TMEM38B: variants seen among roughly 807,000 people sequenced by gnomAD.
The protein encoded by TMEM38B is trimeric intracellular cation channel type B.
A neutral mutation model predicts 28.7 loss-of-function variants in TMEM38B; 24 were observed. That is an observed-to-expected ratio of 0.84 (90% CI 0.61 to 1.18). The LOEUF (loss-of-function observed/expected upper bound fraction) is 1.18. TMEM38B is among the 50% of genes most tolerant of loss of function. The probability of loss-of-function intolerance (pLI) is 0.00; values close to 1 mark genes in which losing one functional copy is unlikely to be tolerated. For synonymous variants in TMEM38B, 131 were observed against 127.7 expected, an observed-to-expected ratio of 1.03 and a Z score of -0.17; for missense variants, 380 against 350.9, an observed-to-expected ratio of 1.08 and a Z score of -0.66.
At chr9:105,710,559 T>C (rs1315241584) in intron 2 of TMEM38B, 2 of 970,556 alleles carry the variant, frequency 2.1e-6, no homozygotes, top group African/African-American at 3.2e-5. Context: ...CAAATCCACT[T>C]TCTGTCCAAA....
chr9:105,721,086 T>C (rs1836300278), intron 2 of TMEM38B, among the ~76,000 whole-genome samples: 1 of 152,274 alleles, frequency 6.6e-6, no homozygotes, highest in East Asian at 1.9e-4. Flanking sequence ...CAGGTGAATA[T>C]GTTATTTGAG....
At chr9:105,745,689 T>C (rs1837362898) in intron 4 of TMEM38B, among the ~76,000 whole-genome samples, 1 of 152,222 alleles carries the variant, frequency 6.6e-6, no homozygotes, top group East Asian at 1.9e-4. Flanking sequence ...TGGTATTGCC[T>C]AGATTTTCTT....
chr9:105,776,562 A>T lies in TMEM38B; in HGVS notation c.*2482A>T, dbSNP rs1027051459. 6.6e-6 allele frequency: 1 copy of T among 152,260 alleles called. No homozygotes were observed. The highest frequency in any genetic ancestry group is 6.5e-5 in the Admixed American group (1 of 15,278). The allele number at this position is 152,260 out of a possible 1,614,324, so 9.4% of individuals were successfully genotyped here. On this transcript the variant is annotated 3_prime_UTR_variant, in exon 6 of 6. Coordinates refer to ENST00000374692, the MANE Select transcript of TMEM38B (RefSeq NM_018112.3). Reference sequence around the variant, plus strand: ...AACATCCCATGTTGTAAATGGAATAATGTGTTCAGAATGCTCTTTCTTTCC... The same window carrying T: ...AACATCCCATGTTGTAAATGGAATATTGTGTTCAGAATGCTCTTTCTTTCC...
At position 105,705,767 on chromosome 9, in the gene TMEM38B, A is replaced by C; in HGVS notation, c.269+14A>C. 1.2e-6 allele frequency: 2 copies of C among 1,606,804 alleles called. No homozygotes were observed. Among genetic ancestry groups the C allele is most frequent in the Non-Finnish European group, 1.7e-6 (2 of 1,177,442 alleles). On this transcript the variant is annotated intron_variant, in intron 2 of 5. Coordinates refer to ENST00000374692, the MANE Select transcript of TMEM38B (RefSeq NM_018112.3). ...ATCTTCAATCTGGTAAGCTGCCAGT[A>C]TGGTGACCTATGTGACATTTAAACA...
intron 1 of TMEM38B, among the ~76,000 whole-genome samples, chr9:105,703,800 G>A (rs1033218204): frequency 1.4e-4 from 22 of 152,244 alleles, no homozygotes; most frequent in Non-Finnish European, 2.2e-4. Context: ...GATGGCCAGC[G>A]ATGATGAGCA....
chr9:105,771,724 G>A (rs911693839), intron 5 of TMEM38B, among the ~76,000 whole-genome samples: 5 of 152,094 alleles, frequency 3.3e-5, no homozygotes, highest in South Asian at 2.1e-4. Context: ...GGAGGTTAAT[G>A]TTATATTTGG....
rs569382849 is a variant in TMEM38B at position 105,776,075 on chromosome 9, T to A, written c.*1995T>A. On this transcript the variant is annotated 3_prime_UTR_variant, in exon 6 of 6. Transcript: ENST00000374692. ...TCACCTGTAGAGTCTTGACTTGGAT[T>A]TGCAAAGCAGATTGTTAGACTCCTT... 1 of 152,292 alleles carries A rather than the reference T, an allele frequency of 6.6e-6. No homozygotes were observed. The highest frequency in any genetic ancestry group is 2.4e-5 in the African/African-American group (1 of 41,574). 9.4% of individuals were successfully genotyped at this position (152,292 alleles called of 1,614,324 possible).
chr9:105,698,463 G>A (rs948840118), intron 1 of TMEM38B, among the ~76,000 whole-genome samples: 1 of 151,700 alleles, frequency 6.6e-6, no homozygotes, highest in African/African-American at 2.4e-5. Flanking sequence ...TTTATCAAGT[G>A]CTATTTTTTT....
chr9:105,745,938 A>G (rs113150783), intron 4 of TMEM38B, among the ~76,000 whole-genome samples: 203 of 152,156 alleles, frequency 1.3e-3, no homozygotes, highest in African/African-American at 4.6e-3. Context: ...CCATTGGTCT[A>G]TATCTCTGTT....
intron 5 of TMEM38B, among the ~76,000 whole-genome samples, chr9:105,770,922 T>G (rs561389123): frequency 2.0e-5 from 3 of 152,322 alleles, no homozygotes. Flanking sequence ...ATTCATTCAG[T>G]GTATTCTCAG....
intron 2 of TMEM38B, chr9:105,710,147 T>C: frequency 4.1e-6 from 1 of 241,950 alleles, no homozygotes; most frequent in Admixed American, 5.2e-5. Flanking sequence ...AGAGTCAAAA[T>C]ATTTGTACAG....
intron 4 of TMEM38B, among the ~76,000 whole-genome samples, chr9:105,733,171 G>A (rs1836827265): frequency 6.6e-6 from 1 of 152,126 alleles, no homozygotes; most frequent in Non-Finnish European, 1.5e-5. Flanking sequence ...GTCAATTTTA[G>A]AATAAGTGCG....
intron 5 of TMEM38B, chr9:105,760,258 C>T (rs751385716): frequency 5.0e-6 from 4 of 801,088 alleles, no homozygotes; most frequent in African/African-American, 1.7e-5. Flanking sequence ...ACCGATGATA[C>T]ATACCTTTTC....
At position 105,731,259 on chromosome 9, in the gene TMEM38B, G is replaced by A. The variant is rs369664506; in HGVS notation, c.542+8638G>A. On this transcript the variant is annotated intron_variant, in intron 4 of 5. Transcript: ENST00000374692. ...AAATGTGCCCCAGAGATTCTGGTAC[G>A]TTGTAGCTTTGTTCTCATTGGTTTC... 5.9e-5 allele frequency among the ~76,000 whole-genome samples: 9 copies of A among 151,826 alleles called. No homozygotes were observed. The South Asian group carries it at 6.2e-4, about 11-fold the overall frequency.
At chr9:105,707,504 T>C (rs1332331487) in intron 2 of TMEM38B, among the ~76,000 whole-genome samples, 1 of 152,176 alleles carries the variant, frequency 6.6e-6, no homozygotes, top group African/African-American at 2.4e-5. Context: ...AGTTCATTTT[T>C]ATTGTGATAA....
chr9:105,760,947 G>A (rs182879752), intron 5 of TMEM38B, among the ~76,000 whole-genome samples: 9 of 152,274 alleles, frequency 5.9e-5, no homozygotes, highest in South Asian at 4.1e-4. Context: ...CTGAGAACAC[G>A]TAACAATAGG....
intron 1 of TMEM38B, among the ~76,000 whole-genome samples, chr9:105,699,782 G>A (rs1835404618): frequency 1.3e-5 from 2 of 152,108 alleles, no homozygotes; most frequent in Admixed American, 1.3e-4. Flanking sequence ...GAATCCTCCT[G>A]AACCCTTGCG....
chr9:105,726,892 G>C (rs74425701), intron 4 of TMEM38B, among the ~76,000 whole-genome samples: 3,519 of 151,938 alleles, frequency 0.023, 136 homozygotes, highest in African/African-American at 0.081. Flanking sequence ...ATCCAAGAGA[G>C]TATTTGTAGG....
intron 4 of TMEM38B, among the ~76,000 whole-genome samples, chr9:105,746,593 G>A (rs1436590132): frequency 5.3e-5 from 8 of 152,042 alleles, no homozygotes; most frequent in Admixed American, 1.3e-4. Flanking sequence ...TGATTGCCCT[G>A]GCCAGAACTT....
Sources: gnomAD v4.1 joint callset for allele counts (sites outside exome capture counted in the v4.1 genomes callset) on GRCh38, gnomAD v4.1.1 for gene constraint, MANE v1.5 for transcripts, NCBI Gene and HGNC (gene_info 2026-07-23, HGNC 2026-07-21) for gene names.